Variants in CRPPA observed in about 807,000 individuals in gnomAD.
CRPPA encodes the protein CDP-L-ribitol pyrophosphorylase A.
A neutral mutation model predicts 52.0 loss-of-function variants in CRPPA; 43 were observed. That is an observed-to-expected ratio of 0.83 (90% CI 0.65 to 1.07). The LOEUF is 1.07. CRPPA is among the 50% of genes least tolerant of loss of function. CRPPA has a pLI of 0.00. For missense variants in CRPPA, 629 were observed against 551.7 expected (o/e 1.14, Z -1.40); for synonymous variants, 250 against 203.5 (o/e 1.23, Z -1.94).
At chr7:16,361,793 A>T (rs1188239964) in intron 3 of CRPPA, among the ~76,000 whole-genome samples, 2 of 152,214 alleles carry the variant, frequency 1.3e-5, no homozygotes, top group African/African-American at 4.8e-5. Context: ...AATGTCACTG[A>T]ACCACACGCT....
intron 9 of CRPPA, among the ~76,000 whole-genome samples, chr7:16,206,729 A>G (rs1781981828): frequency 1.3e-5 from 2 of 152,270 alleles, no homozygotes; most frequent in African/African-American, 4.8e-5. Flanking sequence ...ACATACATAT[A>G]AACAATGATA....
intron 9 of CRPPA, among the ~76,000 whole-genome samples, chr7:16,205,247 A>G (rs1197028425): frequency 1.3e-5 from 2 of 152,184 alleles, no homozygotes; most frequent in Non-Finnish European, 2.9e-5. Flanking sequence ...TTAACACCCA[A>G]TTAACCTGAT....
chr7:16,386,109 G>A (rs1209029548), intron 2 of CRPPA, among the ~76,000 whole-genome samples: 2 of 152,086 alleles, frequency 1.3e-5, no homozygotes, highest in Non-Finnish European at 2.9e-5. Flanking sequence ...TGAATGTGGG[G>A]GTTTTACTGA....
chr7:16,087,650 A>G lies in CRPPA; in HGVS notation c.*4045T>C, dbSNP rs912510993. ...TGCTTCTTACAATTTTGAAACTGAAATTAATAAGAACATATATAAATGCAA... is the reference window on the plus strand; with the variant it reads ...TGCTTCTTACAATTTTGAAACTGAAGTTAATAAGAACATATATAAATGCAA... On this transcript the variant is annotated 3_prime_UTR_variant, in exon 10 of 10. Coordinates refer to ENST00000407010, the MANE Select transcript of CRPPA (RefSeq NM_001101426.4). 3.3e-5 allele frequency: 5 copies of G among 152,092 alleles called. No individual in the cohort carries two copies. Among genetic ancestry groups the G allele is most frequent in the African/African-American group, 1.2e-4 (5 of 41,446 alleles). 9.4% of individuals were successfully genotyped at this position (152,092 alleles called of 1,614,324 possible).
chr7:16,259,049 A>G (rs763179938), intron 6 of CRPPA, 37 bp from the exon 7 acceptor site: 16 of 1,400,066 alleles, frequency 1.1e-5, no homozygotes, highest in Non-Finnish European at 1.5e-5. Context: ...CACAAATTAG[A>G]TAGACCAAAC....
chr7:16,367,242 C>T (rs73684165), intron 3 of CRPPA, among the ~76,000 whole-genome samples: 7,618 of 152,158 alleles, frequency 0.05, 632 homozygotes, highest in African/African-American at 0.17. Flanking sequence ...CACTGTGCCC[C>T]CTATCCTAAA....
At chr7:16,116,173 T>C (rs1156629232) in intron 9 of CRPPA, among the ~76,000 whole-genome samples, 1 of 152,178 alleles carries the variant, frequency 6.6e-6, no homozygotes, top group Non-Finnish European at 1.5e-5. Flanking sequence ...TTTAACCAAG[T>C]GATCTAGGTT....
chr7:16,354,416 T>G (rs1158527132), intron 3 of CRPPA, among the ~76,000 whole-genome samples: 1 of 152,168 alleles, frequency 6.6e-6, no homozygotes, highest in Non-Finnish European at 1.5e-5. Flanking sequence ...ATGCAGTAAG[T>G]AGACTAGCCT....
At chr7:16,137,317 G>C (rs571290033) in intron 9 of CRPPA, among the ~76,000 whole-genome samples, 2 of 152,140 alleles carry the variant, frequency 1.3e-5, no homozygotes, top group Non-Finnish European at 2.9e-5. Flanking sequence ...GAACTTCCCA[G>C]CTTCCAAAAC....
At chr7:16,155,910 T>C (rs560816790) in intron 9 of CRPPA, among the ~76,000 whole-genome samples, 10 of 152,260 alleles carry the variant, frequency 6.6e-5, no homozygotes, top group Admixed American at 2.0e-4. Flanking sequence ...CAAGGGTTCC[T>C]TAATCTCAGT....
intron 6 of CRPPA, among the ~76,000 whole-genome samples, chr7:16,272,179 G>A (rs1162935461): frequency 6.6e-6 from 1 of 152,142 alleles, no homozygotes; most frequent in African/African-American, 2.4e-5. Flanking sequence ...AAGACTGATA[G>A]CAAAGCCTTG....
At position 16,091,769 on chromosome 7, in the gene CRPPA, G is replaced by T. The variant is rs985567350; in HGVS notation, c.1282C>A (p.Gln428Lys). 8.4e-6 allele frequency: 13 copies of T among 1,552,192 alleles called. No individual in the cohort carries two copies. Among genetic ancestry groups the T allele is most frequent in the Non-Finnish European group, 1.1e-5 (13 of 1,147,056 alleles). The part of the protein sequence containing the change: ...DDQKLQESLR[Q>K]GAIIIASLIK... ...AATGAAGCAATAATGATAGCACCTT[G>T]CCTTAAACTCTCCTGTAGCTTCTGA... Residue 428 changes from glutamine to lysine, a missense_variant, in exon 10 of 10, where the codon CAA (glutamine) becomes AAA (lysine). By Grantham distance (53) the Gln-to-Lys change is moderately conservative (BLOSUM62 1). Coordinates refer to ENST00000407010, the MANE Select transcript of CRPPA (RefSeq NM_001101426.4).
intron 9 of CRPPA, among the ~76,000 whole-genome samples, chr7:16,116,182 T>C (rs1782366993): frequency 6.6e-6 from 1 of 152,116 alleles, no homozygotes; most frequent in Non-Finnish European, 1.5e-5. Context: ...GTGATCTAGG[T>C]TAATATCAGC....
At chr7:16,168,456 C>T (rs944820516) in intron 9 of CRPPA, among the ~76,000 whole-genome samples, 1 of 151,380 alleles carries the variant, frequency 6.6e-6, no homozygotes, top group African/African-American at 2.4e-5. Context: ...TATTTTCATA[C>T]CTAGCATCAG....
chr7:16,147,674 T>C (rs185372578), intron 9 of CRPPA, among the ~76,000 whole-genome samples: 5 of 152,344 alleles, frequency 3.3e-5, no homozygotes, highest in Admixed American at 2.0e-4. Context: ...AATTAAAACA[T>C]GTCTGACATT....
intron 1 of CRPPA, among the ~76,000 whole-genome samples, chr7:16,409,861 G>C (rs917278359): frequency 1.3e-5 from 2 of 152,032 alleles, no homozygotes; most frequent in African/African-American, 4.8e-5. Flanking sequence ...CTAGAATGTA[G>C]GCTCCATATA....
intron 9 of CRPPA, among the ~76,000 whole-genome samples, chr7:16,182,991 T>C (rs968215324): frequency 6.6e-6 from 1 of 152,122 alleles, no homozygotes; most frequent in African/African-American, 2.4e-5. Flanking sequence ...AAGGGCTGAC[T>C]CAAGGCTAAA....
At chr7:16,296,028 A>C (rs1330161528) in intron 5 of CRPPA, among the ~76,000 whole-genome samples, 1 of 152,178 alleles carries the variant, frequency 6.6e-6, no homozygotes, top group Non-Finnish European at 1.5e-5. Context: ...ATTATGACGA[A>C]TACTTTTTTA....
intron 1 of CRPPA, among the ~76,000 whole-genome samples, chr7:16,419,258 T>A (rs1788270636): frequency 6.6e-6 from 1 of 152,234 alleles, no homozygotes; most frequent in South Asian, 2.1e-4. Context: ...AATAGTCATA[T>A]GAGAACCTGA....
Sources: gnomAD v4.1 joint callset for allele counts (sites outside exome capture counted in the v4.1 genomes callset) on GRCh38, gnomAD v4.1.1 for gene constraint, MANE v1.5 for transcripts, NCBI Gene and HGNC (gene_info 2026-07-23, HGNC 2026-07-21) for gene names.